TTC28: variants seen among roughly 807,000 people sequenced by gnomAD.
The protein encoded by TTC28 is tetratricopeptide repeat domain 28, also known as tetratricopeptide repeat protein 28.
In TTC28, 61 loss-of-function variants were observed where a neutral mutation model predicts 198.0. That is an observed-to-expected ratio of 0.31 (90% CI 0.25 to 0.38). The LOEUF (loss-of-function observed/expected upper bound fraction) is 0.38, where lower values mean the gene tolerates loss of function less well. Ranked by LOEUF, TTC28 falls within the 10% of genes least tolerant of loss-of-function variation. The pLI, the probability that TTC28 is intolerant of heterozygous loss-of-function variation, is 1.00. For synonymous variants in TTC28, 1,171 were observed against 1,297.8 expected, an observed-to-expected ratio of 0.90 and a Z score of 2.10; for missense variants, 2,678 against 3,164.0, an observed-to-expected ratio of 0.85 and a Z score of 3.69.
At chr22:28,642,156 A>G (rs2051377688) in intron 1 of TTC28, among the ~76,000 whole-genome samples, 1 of 152,094 alleles carries the variant, frequency 6.6e-6, no homozygotes, top group South Asian at 2.1e-4. Context: ...TAAGGAAATA[A>G]CAGGAGTAAA....
chr22:28,080,758 C>T (rs1024090005), intron 12 of TTC28, among the ~76,000 whole-genome samples: 4 of 152,104 alleles, frequency 2.6e-5, no homozygotes, highest in Admixed American at 2.0e-4. Flanking sequence ...TAAATTATTG[C>T]CAAATCCAAT....
intron 2 of TTC28, among the ~76,000 whole-genome samples, chr22:28,557,917 G>C (rs2049810348): frequency 6.6e-6 from 1 of 152,102 alleles, no homozygotes; most frequent in African/African-American, 2.4e-5. Context: ...CCTACCTAAG[G>C]CTTCCCACTG....
chr22:27,990,208 G>C, intron 20 of TTC28: 1 of 670,534 alleles, frequency 1.5e-6, no homozygotes, highest in Non-Finnish European at 2.3e-6. Context: ...TGGGGCATTG[G>C]GGCAAGAGGC....
intron 6 of TTC28, among the ~76,000 whole-genome samples, chr22:28,110,959 T>C (rs1942464437): frequency 6.6e-6 from 1 of 151,408 alleles, no homozygotes; most frequent in Non-Finnish European, 1.5e-5. Context: ...AAAAGTTAAG[T>C]TTATTGACAT....
chr22:28,324,639 C>T (rs1320768717), intron 2 of TTC28, among the ~76,000 whole-genome samples: 1 of 152,040 alleles, frequency 6.6e-6, no homozygotes, highest in Admixed American at 6.5e-5. Flanking sequence ...TGACAAAAAC[C>T]ACATGATTAT....
At chr22:28,423,579 T>A (rs2047297600) in intron 2 of TTC28, among the ~76,000 whole-genome samples, 1 of 152,138 alleles carries the variant, frequency 6.6e-6, no homozygotes. Flanking sequence ...CTAAAATAAA[T>A]CTGGGCATGC....
At chr22:28,069,139 G>T (rs1333800711) in intron 12 of TTC28, among the ~76,000 whole-genome samples, 1 of 152,114 alleles carries the variant, frequency 6.6e-6, no homozygotes, top group African/African-American at 2.4e-5. Flanking sequence ...ATTTTCTTTT[G>T]ATCTTTTTCT....
chr22:28,638,626 G>A (rs2051313244), intron 1 of TTC28, among the ~76,000 whole-genome samples: 1 of 152,000 alleles, frequency 6.6e-6, no homozygotes. Context: ...TGGAAAAAAT[G>A]GACAAAGGAC....
intron 14 of TTC28, among the ~76,000 whole-genome samples, chr22:28,012,673 G>C (rs536948418): frequency 1.4e-4 from 22 of 152,216 alleles, no homozygotes; most frequent in African/African-American, 5.1e-4. Flanking sequence ...CATCATGCCT[G>C]GCTAATTTTT....
intron 2 of TTC28, among the ~76,000 whole-genome samples, chr22:28,612,574 T>C (rs1333480736): frequency 6.6e-6 from 1 of 152,116 alleles, no homozygotes; most frequent in Non-Finnish European, 1.5e-5. Flanking sequence ...ATTGACCACA[T>C]AGTTGGAAGT....
At chr22:28,397,047 A>C (rs923002301) in intron 2 of TTC28, among the ~76,000 whole-genome samples, 21 of 152,226 alleles carry the variant, frequency 1.4e-4, no homozygotes, top group African/African-American at 4.8e-4. Context: ...TATTAAGAAT[A>C]AAAACAATAA....
rs377067510 is a variant in TTC28 at position 28,328,800 on chromosome 22, AT to A, written c.382-22158del. 7.7e-5 allele frequency among the ~76,000 whole-genome samples: 7 copies of A among 91,376 alleles called. 1 individual carries two copies. The highest frequency in any genetic ancestry group is 6.9e-4 in the South Asian group (2 of 2,892). 59.9% of individuals were successfully genotyped at this position (91,376 alleles called of 152,430 possible). A position where few individuals can be genotyped will look rare whatever the true frequency, so the allele number is the denominator to read the frequency against. On this transcript the variant is annotated intron_variant, in intron 2 of 22. Transcript: ENST00000397906. ...AATAATAATAATAATAATAATAATA[AT>A]AATATGTTCTGAAGAGGTATAAGCT...
At chr22:28,415,068 T>C (rs577394919) in intron 2 of TTC28, among the ~76,000 whole-genome samples, 1 of 152,302 alleles carries the variant, frequency 6.6e-6, no homozygotes, top group South Asian at 2.1e-4. Context: ...TTAATTATAA[T>C]TGGCCCAATA....
intron 6 of TTC28, among the ~76,000 whole-genome samples, chr22:28,115,516 T>G (rs1942605983): frequency 6.6e-6 from 1 of 152,248 alleles, no homozygotes; most frequent in Non-Finnish European, 1.5e-5. Context: ...ATGAACAGAT[T>G]GATGGCCTGG....
chr22:28,106,201 A>C (rs977545078), intron 7 of TTC28, among the ~76,000 whole-genome samples: 6 of 152,080 alleles, frequency 3.9e-5, no homozygotes, highest in African/African-American at 1.4e-4. Flanking sequence ...TTCTCAGAGC[A>C]CTCTGTGGGT....
At chr22:28,563,123 A>C (rs2049915037) in intron 2 of TTC28, among the ~76,000 whole-genome samples, 2 of 152,190 alleles carry the variant, frequency 1.3e-5, no homozygotes, top group African/African-American at 4.8e-5. Flanking sequence ...ACTCTGCCTC[A>C]AAATAATAAG....
chr22:28,259,987 G>T (rs112966209), intron 5 of TTC28, among the ~76,000 whole-genome samples: 3 of 152,118 alleles, frequency 2.0e-5, no homozygotes, highest in African/African-American at 7.2e-5. Context: ...CAAGTCAACT[G>T]TCTATGCATT....
intron 2 of TTC28, among the ~76,000 whole-genome samples, chr22:28,476,628 C>G (rs1164773448): frequency 6.6e-6 from 1 of 152,152 alleles, no homozygotes; most frequent in Non-Finnish European, 1.5e-5. Flanking sequence ...TTCTATAAAT[C>G]TACTAGGTGG....
chr22:28,185,353 G>A (rs564254736), intron 5 of TTC28, among the ~76,000 whole-genome samples: 12 of 152,124 alleles, frequency 7.9e-5, no homozygotes, highest in Non-Finnish European at 1.6e-4. Context: ...CCTTTGTACC[G>A]TGCACGAGGC....
Sources: gnomAD v4.1 joint callset for allele counts (sites outside exome capture counted in the v4.1 genomes callset) on GRCh38, gnomAD v4.1.1 for gene constraint, MANE v1.5 for transcripts, NCBI Gene and HGNC (gene_info 2026-07-23, HGNC 2026-07-21) for gene names.